The following TENM4 variants were observed in gnomAD, a reference collection of about 807,000 sequenced individuals.
TENM4 encodes teneurin-4.
Under a neutral mutation model 243.3 loss-of-function variants are expected in TENM4, and 82 were observed. The ratio of observed to expected loss-of-function variants is 0.34; its 90% confidence interval spans 0.28 to 0.40. The LOEUF (loss-of-function observed/expected upper bound fraction) is 0.40, where lower values mean the gene tolerates loss of function less well. TENM4 is among the 10% of genes least tolerant of loss of function. The pLI, the probability that TENM4 is intolerant of heterozygous loss-of-function variation, is 1.00. For synonymous variants in TENM4, 1,412 were observed against 1,456.3 expected (o/e 0.97, Z 0.69); for missense variants, 3,138 against 3,673.3 (o/e 0.85, Z 3.77).
At chr11:78,960,905 C>A (rs907068888) in intron 6 of TENM4, among the ~76,000 whole-genome samples, 2 of 152,156 alleles carry the variant, frequency 1.3e-5, no homozygotes, top group African/African-American at 2.4e-5. Context: ...GGGGACCAGG[C>A]AATGACTAAC....
At chr11:78,738,285 AG>A in intron 20 of TENM4, among the ~76,000 whole-genome samples, 165 bp downstream of exon 20, 1 of 152,252 alleles carries the variant, frequency 6.6e-6, no homozygotes, top group East Asian at 1.9e-4. Context: ...GGCCAGAGTT[AG>A]GTACAAGGTC....
intron 2 of TENM4, among the ~76,000 whole-genome samples, chr11:79,255,149 G>T (rs1360128415): frequency 6.6e-6 from 1 of 152,152 alleles, no homozygotes; most frequent in Non-Finnish European, 1.5e-5. Flanking sequence ...AGTTAGGGAG[G>T]TTGAAGAGGA....
At chr11:79,151,435 T>A (rs1358334255) in intron 3 of TENM4, among the ~76,000 whole-genome samples, 1 of 152,168 alleles carries the variant, frequency 6.6e-6, no homozygotes, top group Non-Finnish European at 1.5e-5. Flanking sequence ...TTCCAAAGGA[T>A]TTTTTATGTT....
intron 6 of TENM4, among the ~76,000 whole-genome samples, chr11:78,997,412 C>A (rs1858202781): frequency 1.3e-5 from 2 of 152,164 alleles, no homozygotes; most frequent in Admixed American, 1.3e-4. Context: ...TGTTACCTTT[C>A]TTTGCTAAAC....
At chr11:78,793,775 T>C (rs1160311762) in intron 15 of TENM4, among the ~76,000 whole-genome samples, 1 of 152,234 alleles carries the variant, frequency 6.6e-6, no homozygotes, top group African/African-American at 2.4e-5. Context: ...AGGAAACAGC[T>C]TGGAGACATT....
At chr11:78,783,267 A>G (rs989101706) in intron 16 of TENM4, among the ~76,000 whole-genome samples, 3 of 152,238 alleles carry the variant, frequency 2.0e-5, no homozygotes, top group African/African-American at 4.8e-5. Flanking sequence ...AAAAGATCCA[A>G]AAATATGCAC....
intron 1 of TENM4, among the ~76,000 whole-genome samples, chr11:79,377,666 C>T (rs968100796): frequency 6.6e-6 from 1 of 152,170 alleles, no homozygotes; most frequent in South Asian, 2.1e-4. Context: ...CAGTGCTAAC[C>T]TAGTGCTCAC....
At chr11:78,942,746 A>G (rs548441355) in intron 6 of TENM4, among the ~76,000 whole-genome samples, 21 of 151,798 alleles carry the variant, frequency 1.4e-4, no homozygotes, top group Non-Finnish European at 2.4e-4. Context: ...ACTTTTCACA[A>G]ATACTACCTC....
chr11:78,971,441 T>C lies in TENM4; in HGVS notation c.494-67918A>G, dbSNP rs932960110. Among the ~76,000 whole-genome samples the C allele has an allele frequency of 5.3e-5, 8 of 152,246 alleles. No individual in the cohort carries two copies. The South Asian group carries it at 1.0e-3, about 20-fold the overall frequency. ...CCTCAGTCTCCCAAGTAGCTGGGAC[T>C]ATAGGCACGCGCCACCATGCCTAGC... is the stretch of plus-strand genomic sequence containing the variant. On this transcript the variant is annotated intron_variant, in intron 6 of 33. Coordinates refer to ENST00000278550, the MANE Select transcript of TENM4 (RefSeq NM_001098816.3).
At chr11:78,807,483 G>T (rs1454231599) in intron 14 of TENM4, among the ~76,000 whole-genome samples, 1 of 152,192 alleles carries the variant, frequency 6.6e-6, no homozygotes, top group Non-Finnish European at 1.5e-5. Context: ...GCACTGCATG[G>T]AAAAGGAGAA....
intron 1 of TENM4, among the ~76,000 whole-genome samples, chr11:79,402,881 T>C (rs1858490975): frequency 2.0e-5 from 3 of 152,246 alleles, no homozygotes; most frequent in Admixed American, 2.0e-4. Flanking sequence ...TAGCTCATAG[T>C]AGGTACTCAA....
intron 1 of TENM4, among the ~76,000 whole-genome samples, chr11:79,316,225 A>G (rs1416029477): frequency 6.6e-6 from 1 of 151,694 alleles, no homozygotes; most frequent in Non-Finnish European, 1.5e-5. Flanking sequence ...AGATATAAAA[A>G]CAGATTGAGA....
chr11:79,180,653 G>C (rs745451501), intron 3 of TENM4, among the ~76,000 whole-genome samples: 7 of 151,336 alleles, frequency 4.6e-5, no homozygotes, highest in Non-Finnish European at 7.4e-5. Flanking sequence ...AATTTGTGTT[G>C]TCTGAATATT....
Position 79,286,189 on chromosome 11 carries a change from T to A in TENM4, c.-265+11299A>T, listed in dbSNP as rs1291160997. 2.0e-5 allele frequency among the ~76,000 whole-genome samples: 3 copies of A among 152,186 alleles called. No individual in the cohort carries two copies. The Middle Eastern group carries it at 0.01, about 518-fold the overall frequency. ...CTTTTATTATTGTTTCCATGTTGTTTGCACAATAATAATGTGAAAAAAAGA... is the reference window on the plus strand; with the variant it reads ...CTTTTATTATTGTTTCCATGTTGTTAGCACAATAATAATGTGAAAAAAAGA... On this transcript the variant is annotated intron_variant, in intron 2 of 33. Coordinates refer to ENST00000278550, the MANE Select transcript of TENM4 (RefSeq NM_001098816.3).
chr11:79,349,764 C>T (rs1857384761), intron 1 of TENM4, among the ~76,000 whole-genome samples: 1 of 152,110 alleles, frequency 6.6e-6, no homozygotes, highest in Non-Finnish European at 1.5e-5. Flanking sequence ...CTCTGGAATG[C>T]AATCCAGGCA....
chr11:78,815,456 C>T (rs1409426500), intron 12 of TENM4, among the ~76,000 whole-genome samples: 1 of 152,176 alleles, frequency 6.6e-6, no homozygotes, highest in Non-Finnish European at 1.5e-5. Context: ...CTCTGTCATG[C>T]CCCCCTTTTG....
intron 18 of TENM4, among the ~76,000 whole-genome samples, chr11:78,759,155 C>A (rs1265688382): frequency 1.3e-5 from 2 of 152,124 alleles, no homozygotes; most frequent in Admixed American, 6.5e-5. Context: ...CCCCTCACCC[C>A]AGCATTGACC....
At position 79,155,257 on chromosome 11, in the gene TENM4, T is replaced by G. The variant is rs796179638; in HGVS notation, c.-162-6451A>C. 6.9e-4 allele frequency among the ~76,000 whole-genome samples: 105 copies of G among 152,214 alleles called. 1 individual carries two copies. The highest frequency in any genetic ancestry group is 2.3e-3 in the African/African-American group (97 of 41,542). ...AGTAGGGGCTCCTGTGGAACCCACA[T>G]TTGACCTACTCTGAACTTCTGCTTC... On this transcript the variant is annotated intron_variant, in intron 3 of 33. Coordinates refer to ENST00000278550, the MANE Select transcript of TENM4 (RefSeq NM_001098816.3).
At chr11:79,392,956 C>A (rs982561178) in intron 1 of TENM4, among the ~76,000 whole-genome samples, 12 of 152,230 alleles carry the variant, frequency 7.9e-5, no homozygotes, top group Admixed American at 3.9e-4. Context: ...GTGAGAAATC[C>A]ATTTTGGCTC....
Sources: gnomAD v4.1 joint callset for allele counts (sites outside exome capture counted in the v4.1 genomes callset) on GRCh38, gnomAD v4.1.1 for gene constraint, MANE v1.5 for transcripts, NCBI Gene and HGNC (gene_info 2026-07-23, HGNC 2026-07-21) for gene names.